COMMD7: variants seen among roughly 807,000 people sequenced by gnomAD.
COMMD7 encodes COMM domain containing 7, also known as COMM domain-containing protein 7.
COMMD7 carries 28 observed loss-of-function variants against 34.8 expected under a neutral mutation model. The ratio of observed to expected loss-of-function variants is 0.80; its 90% CI spans 0.60 to 1.10. The LOEUF (loss-of-function observed/expected upper bound fraction) is 1.10. Among genes scored for constraint, COMMD7 ranks in the 50% least tolerant of loss-of-function variants. The pLI is 0.00. For synonymous variants in COMMD7, 80 were observed against 86.4 expected, an observed-to-expected ratio of 0.93 and a Z score of 0.41; for missense variants, 211 against 241.6, an observed-to-expected ratio of 0.87 and a Z score of 0.84.
chr20:32,706,845 C>T (rs1984112905), intron 3 of COMMD7, 85 bp from the exon 4 acceptor site: 2 of 1,119,026 alleles, frequency 1.8e-6, no homozygotes, highest in Non-Finnish European at 2.7e-6. Context: ...ACCTATGTGA[C>T]CTAAAGGACA....
At chr20:32,705,214 C>A (rs1983991643) in intron 5 of COMMD7, among the ~76,000 whole-genome samples, 1 of 151,698 alleles carries the variant, frequency 6.6e-6, no homozygotes, top group African/African-American at 2.4e-5. Context: ...AAGATGGGGT[C>A]TTCAGGGTAA....
chr20:32,733,750 T>C (rs886360433), intron 1 of COMMD7, among the ~76,000 whole-genome samples: 30 of 144,284 alleles, frequency 2.1e-4, no homozygotes, highest in African/African-American at 7.7e-4. Flanking sequence ...CCAGGCGTGG[T>C]GGTGTGCGTC....
At chr20:32,715,011 AAAAAAT>A (rs1018581874) in intron 3 of COMMD7, among the ~76,000 whole-genome samples, 8 of 148,562 alleles carry the variant, frequency 5.4e-5, no homozygotes, top group South Asian at 4.2e-4. Flanking sequence ...CTCTGTCTCA[AAAAAAT>A]AAAAATAAAA....
chr20:32,711,723 C>A (rs1213963463), intron 3 of COMMD7, among the ~76,000 whole-genome samples: 1 of 151,278 alleles, frequency 6.6e-6, no homozygotes, highest in Non-Finnish European at 1.5e-5. Context: ...TCTTTTTCAG[C>A]TTTTTCCTGT....
intron 8 of COMMD7, chr20:32,703,797 T>C (rs1397728182): frequency 6.5e-7 from 1 of 1,529,190 alleles, no homozygotes; most frequent in African/African-American, 1.4e-5. Context: ...GTTCCCACCC[T>C]TTCCCTTTTT....
intron 1 of COMMD7, among the ~76,000 whole-genome samples, chr20:32,740,281 C>G (rs1007347518): frequency 9.4e-5 from 14 of 148,948 alleles, no homozygotes; most frequent in African/African-American, 3.5e-4. Context: ...CACGCCACTG[C>G]ACTCCAGCCT....
chr20:32,708,429 G>T (rs1984227196), intron 3 of COMMD7, among the ~76,000 whole-genome samples: 1 of 151,946 alleles, frequency 6.6e-6, no homozygotes, highest in Admixed American at 6.6e-5. Flanking sequence ...ATAAACAAAG[G>T]GAGGAAATCT....
rs750897514 is a variant in COMMD7 at position 32,704,802 on chromosome 20, G to T, written c.427+12C>A. 6.3e-7 allele frequency: 1 copy of T among 1,599,932 alleles called. No individual in the cohort carries two copies. Among genetic ancestry groups the T allele is most frequent in the East Asian group, 2.2e-5 (1 of 44,780 alleles). On this transcript the variant is annotated intron_variant, in intron 6 of 8. Coordinates refer to ENST00000278980, the MANE Select transcript of COMMD7 (RefSeq NM_053041.3). ...CCACCCAAATAACCCAGGACTGGTT[G>T]TAACTAGTTACCTCCAAATTTCCAC...
At chr20:32,725,877 C>G (rs1234402558) in intron 3 of COMMD7, among the ~76,000 whole-genome samples, 2 of 151,266 alleles carry the variant, frequency 1.3e-5, no homozygotes, top group Non-Finnish European at 2.9e-5. Flanking sequence ...ATGGCAAAAC[C>G]CCATCTCTAC....
intron 1 of COMMD7, among the ~76,000 whole-genome samples, chr20:32,732,420 C>T (rs1421018372): frequency 6.6e-6 from 1 of 152,146 alleles, no homozygotes; most frequent in Non-Finnish European, 1.5e-5. Context: ...GATTATACCC[C>T]TCGACCTAGT....
chr20:32,725,622 G>A (rs1985464010), intron 3 of COMMD7, among the ~76,000 whole-genome samples: 2 of 151,852 alleles, frequency 1.3e-5, no homozygotes, highest in Non-Finnish European at 2.9e-5. Flanking sequence ...TAGAGACAGG[G>A]TTTCACCGTG....
chr20:32,728,208 G>A (rs1031398283), intron 1 of COMMD7, 66 bp from the exon 2 acceptor site: 12 of 1,454,970 alleles, frequency 8.2e-6, no homozygotes, highest in Non-Finnish European at 1.2e-5. Flanking sequence ...CCCCACCCCA[G>A]GCAACTGCAT....
intron 3 of COMMD7, 23 bp from the exon 4 acceptor site, chr20:32,706,783 G>A: frequency 1.2e-6 from 2 of 1,603,966 alleles, no homozygotes; most frequent in Non-Finnish European, 1.7e-6. Flanking sequence ...GGAGAAATCA[G>A]TTAGAAAGGC....
intron 1 of COMMD7, among the ~76,000 whole-genome samples, chr20:32,734,596 G>T (rs1226241781): frequency 6.6e-6 from 1 of 151,876 alleles, no homozygotes; most frequent in Non-Finnish European, 1.5e-5. Flanking sequence ...AGATGTTCAA[G>T]ATCACCATAG....
intron 3 of COMMD7, among the ~76,000 whole-genome samples, chr20:32,709,357 G>A (rs952501228): frequency 6.6e-5 from 10 of 151,238 alleles, no homozygotes; most frequent in South Asian, 2.1e-4. Context: ...GAGCAGAGAC[G>A]GCACCACTGC....
At chr20:32,706,676 C>A (rs1984101576) in intron 4 of COMMD7, 28 bp downstream of exon 4, 1 of 1,613,232 alleles carries the variant, frequency 6.2e-7, no homozygotes, top group South Asian at 1.1e-5. Context: ...AAGCCAGTCA[C>A]CCTGAGCAAC....
chr20:32,716,401 G>C (rs2145733794), intron 3 of COMMD7, among the ~76,000 whole-genome samples: 1 of 152,156 alleles, frequency 6.6e-6, no homozygotes, highest in South Asian at 2.1e-4. Flanking sequence ...GGATCACGAG[G>C]TCAGGAGATC....
rs1040955694 is a variant in COMMD7, at chr20:32,743,304, C to T, written c.84+4G>A. On this transcript the variant is annotated splice_donor_region_variant and intron_variant, in intron 1 of 8. Coordinates refer to ENST00000278980, the MANE Select transcript of COMMD7 (RefSeq NM_053041.3). ...CGCGCCCCACGCCCCGCCGCCGGGC[C>T]CACCTGCGCGCCCAGCTGGTTCAGC... 1.8e-5 allele frequency: 27 copies of T among 1,516,402 alleles called. No individual in the cohort carries two copies. The highest frequency in any genetic ancestry group is 4.2e-5 in the African/African-American group (3 of 70,850). 93.9% of individuals were successfully genotyped at this position (1,516,402 alleles called of 1,614,324 possible).
At chr20:32,734,198 A>AG (rs1180802785) in intron 1 of COMMD7, among the ~76,000 whole-genome samples, 4 of 143,138 alleles carry the variant, frequency 2.8e-5, no homozygotes, top group African/African-American at 1.0e-4. Flanking sequence ...AAAAAAAAAA[A>AG]GTGCCGTGCC....
Sources: gnomAD v4.1 joint callset for allele counts (sites outside exome capture counted in the v4.1 genomes callset) on GRCh38, gnomAD v4.1.1 for gene constraint, MANE v1.5 for transcripts, NCBI Gene and HGNC (gene_info 2026-07-23, HGNC 2026-07-21) for gene names.